The following PREP variants were observed in gnomAD, a reference collection of about 807,000 sequenced individuals.
PREP encodes the protein prolyl endopeptidase, also known as dJ355L5.1 (prolyl endopeptidase).
PREP carries 29 observed loss-of-function variants against 87.6 expected under a neutral mutation model. The ratio of observed to expected loss-of-function variants is 0.33; its 90% CI spans 0.25 to 0.45. The LOEUF (loss-of-function observed/expected upper bound fraction) is 0.45, where lower values mean the gene tolerates loss of function less well. Among genes scored for constraint, PREP ranks in the 20% least tolerant of loss-of-function variants. The pLI is 1.00. For missense variants in PREP, 695 were observed against 886.5 expected (o/e 0.78, Z 2.74); for synonymous variants, 337 against 328.6 (o/e 1.03, Z -0.28).
In PREP at chr6:105,276,200, C is replaced by T. The variant is rs1253833418; in HGVS notation, c.*1944G>A. Among the ~76,000 whole-genome samples the T allele has an allele frequency of 6.6e-6, 1 of 152,150 alleles. No homozygotes were observed. The stretch of plus-strand genomic sequence containing the variant: ...TAGTTGTCCTGTGAAAATCTAGACA[C>T]AAAAATTAGGTTGGAAAAGAGAACT... On this transcript the variant is annotated 3_prime_UTR_variant, in exon 15 of 15. Transcript: ENST00000652536.
intron 10 of PREP, among the ~76,000 whole-genome samples, chr6:105,308,188 A>T (rs1002831069): frequency 1.3e-5 from 2 of 152,202 alleles, no homozygotes; most frequent in African/African-American, 4.8e-5. Context: ...TTTTAAAAAG[A>T]TGATGTTAAA....
intron 7 of PREP, among the ~76,000 whole-genome samples, chr6:105,344,447 G>A (rs1427267353): frequency 2.0e-5 from 3 of 150,562 alleles, no homozygotes; most frequent in African/African-American, 7.4e-5. Context: ...AGCCGAGATC[G>A]TGCCACTGCA....
intron 12 of PREP, among the ~76,000 whole-genome samples, chr6:105,283,719 T>A (rs981317973): frequency 3.3e-5 from 5 of 152,226 alleles, no homozygotes; most frequent in African/African-American, 1.2e-4. Context: ...GGTCTATTTC[T>A]GGTCCTTTCA....
intron 14 of PREP, chr6:105,280,683 A>G (rs570196834): frequency 6.6e-6 from 1 of 151,828 alleles, no homozygotes; most frequent in South Asian, 2.1e-4. Context: ...CCATCCTTCC[A>G]TTTCAGCCTC....
chr6:105,342,530 C>A (rs143642129), intron 7 of PREP, among the ~76,000 whole-genome samples: 8,448 of 152,156 alleles, frequency 0.056, 236 homozygotes, highest in Middle Eastern at 0.085. Context: ...AAGTTCTGGC[C>A]AGGGCAATCA....
At chr6:105,364,276 C>A (rs1013032932) in intron 6 of PREP, among the ~76,000 whole-genome samples, 10 of 152,132 alleles carry the variant, frequency 6.6e-5, no homozygotes, top group Non-Finnish European at 1.3e-4. Flanking sequence ...GCAGTCGTCC[C>A]GGGAAGACAC....
chr6:105,290,562 C>T (rs1194106844), intron 10 of PREP, among the ~76,000 whole-genome samples: 1 of 152,196 alleles, frequency 6.6e-6, no homozygotes, highest in Non-Finnish European at 1.5e-5. Flanking sequence ...CTGATACACT[C>T]CTCATCCCAG....
At chr6:105,371,934 A>G (rs1238605716) in intron 5 of PREP, among the ~76,000 whole-genome samples, 4 of 152,180 alleles carry the variant, frequency 2.6e-5, no homozygotes, top group African/African-American at 9.7e-5. Context: ...TGAATTGGCC[A>G]GTTATACTTT....
At chr6:105,309,728 A>G (rs1770723426) in intron 10 of PREP, among the ~76,000 whole-genome samples, 1 of 152,108 alleles carries the variant, frequency 6.6e-6, no homozygotes, top group Non-Finnish European at 1.5e-5. Context: ...ACTCTTGCAC[A>G]CTCATTCCCT....
intron 7 of PREP, among the ~76,000 whole-genome samples, chr6:105,340,414 A>G (rs1401469626): frequency 1.3e-5 from 2 of 152,222 alleles, no homozygotes; most frequent in African/African-American, 4.8e-5. Context: ...GAAAGGAACA[A>G]CCGGTACCAG....
At chr6:105,393,595 G>C (rs1228791725) in intron 2 of PREP, among the ~76,000 whole-genome samples, 2 of 152,050 alleles carry the variant, frequency 1.3e-5, no homozygotes, top group Non-Finnish European at 2.9e-5. Context: ...CTGTCCAGTA[G>C]ATACATTATG....
intron 5 of PREP, among the ~76,000 whole-genome samples, chr6:105,372,076 T>C (rs959962129): frequency 9.2e-5 from 14 of 152,160 alleles, no homozygotes; most frequent in African/African-American, 3.4e-4. Flanking sequence ...AAACCTACTT[T>C]TAGCTCATCT....
At chr6:105,361,185 T>C (rs1387263258) in intron 6 of PREP, among the ~76,000 whole-genome samples, 6 of 152,186 alleles carry the variant, frequency 3.9e-5, no homozygotes, top group African/African-American at 1.2e-4. Flanking sequence ...TTTCTTCATA[T>C]TAAGAGACAA....
intron 10 of PREP, among the ~76,000 whole-genome samples, chr6:105,307,480 G>A (rs377689564): frequency 7.1e-4 from 108 of 152,090 alleles, no homozygotes; most frequent in African/African-American, 2.5e-3. Context: ...ATTTTCCCTA[G>A]TAAACTCTAA....
intron 10 of PREP, among the ~76,000 whole-genome samples, chr6:105,323,377 T>C (rs1430313179): frequency 6.6e-6 from 1 of 152,014 alleles, no homozygotes; most frequent in Non-Finnish European, 1.5e-5. Flanking sequence ...GCAAGCAGAT[T>C]GACACAGACA....
At chr6:105,339,493 C>T (rs991657792) in intron 7 of PREP, among the ~76,000 whole-genome samples, 2 of 152,220 alleles carry the variant, frequency 1.3e-5, no homozygotes, top group African/African-American at 2.4e-5. Flanking sequence ...CAAAGGTACA[C>T]AGCTCCTCGC....
rs80333522 is a variant in PREP at position 105,373,630 on chromosome 6, C to T, written c.386-52G>A. On this transcript the variant is annotated intron_variant, in intron 4 of 14. Transcript: ENST00000652536. ...GTGACAAACACGGAACACAACTCCACGGTCCTTTATGCCATCTAACAAAGC... is the reference window on the plus strand; with the variant it reads ...GTGACAAACACGGAACACAACTCCATGGTCCTTTATGCCATCTAACAAAGC... 1,519 of 1,520,260 alleles carry T rather than the reference C, an allele frequency of 1.0e-3. 14 individuals are homozygous for T. The African/African-American group carries it at 0.018, about 18-fold the overall frequency. 94.2% of individuals were successfully genotyped at this position (1,520,260 alleles called of 1,614,324 possible).
In PREP at chr6:105,274,558, G is replaced by A. The variant is rs1769897806; in HGVS notation, c.*3586C>T. ...AGGTGGGTGGATCACCTGAGGTCAG[G>A]AGTTCAAGACCAGCCTGGCCAACAT... On this transcript the variant is annotated 3_prime_UTR_variant, in exon 15 of 15. Transcript: ENST00000652536. Among the ~76,000 whole-genome samples the A allele has an allele frequency of 6.6e-6, 1 of 152,120 alleles. No individual in the cohort carries two copies. The highest frequency in any genetic ancestry group is 6.5e-5 in the Admixed American group (1 of 15,284).
intron 10 of PREP, among the ~76,000 whole-genome samples, chr6:105,293,525 T>A (rs1436710601): frequency 1.3e-5 from 2 of 150,194 alleles, no homozygotes; most frequent in Non-Finnish European, 2.9e-5. Context: ...CACAGAGGCA[T>A]GAATAAGCAC....
Sources: allele counts gnomAD v4.1 joint callset (sites outside exome capture counted in the v4.1 genomes callset), GRCh38; gene constraint gnomAD v4.1.1; transcripts MANE v1.5; gene names NCBI Gene and HGNC (gene_info 2026-07-23, HGNC 2026-07-21).